The following RBM10 variants were observed in gnomAD, a reference collection of about 807,000 sequenced individuals.
RBM10 encodes the protein RNA-binding protein 10.
RBM10 carries 1 observed loss-of-function variant against 84.9 expected under a neutral mutation model. The observed-to-expected ratio is 0.01, with a 90% CI of 0.00 to 0.06. The LOEUF (loss-of-function observed/expected upper bound fraction) is 0.06. Among genes scored for constraint, RBM10 ranks in the 10% least tolerant of loss-of-function variants. RBM10 has a pLI of 1.00. For synonymous variants in RBM10, 326 were observed against 344.5 expected, an observed-to-expected ratio of 0.95 and a Z score of 0.60; for missense variants, 438 against 839.0, an observed-to-expected ratio of 0.52 and a Z score of 5.90.
At chrX:47,157,782 T>TC in intron 2 of RBM10, 2 of 181,776 alleles carry the variant, frequency 1.1e-5, no homozygotes, top group Admixed American at 7.3e-5. Flanking sequence ...CTGCATGACT[T>TC]TTTTTTTTTT....
chrX:47,149,235 C>T (rs2147071879), intron 2 of RBM10, among the ~76,000 whole-genome samples: 1 of 111,561 alleles, frequency 9.0e-6, no homozygotes, highest in Admixed American at 9.5e-5. Flanking sequence ...GTTGCCCAGG[C>T]TGGTCTCAAA....
intron 9 of RBM10, 49 bp from the exon 10 acceptor site, chrX:47,179,831 C>T (rs181180570): frequency 3.6e-5 from 42 of 1,163,384 alleles, no homozygotes; most frequent in African/African-American, 5.4e-5. Context: ...AAGGGCAGGG[C>T]TGGCAAGAGT....
At chrX:47,152,816 CG>C (rs1410640260) in intron 2 of RBM10, among the ~76,000 whole-genome samples, 6 of 99,942 alleles carry the variant, frequency 6.0e-5, no homozygotes, top group Middle Eastern at 5.3e-3. Context: ...CACACACACA[CG>C]TTTTTTTTAA....
chrX:47,161,533 T>TTAGGG (rs2042743861), intron 2 of RBM10, among the ~76,000 whole-genome samples: 1 of 36,670 alleles, frequency 2.7e-5, no homozygotes, highest in African/African-American at 1.4e-4. Flanking sequence ...TTTTTTTTTT[T>TTAGGG]AGTGAGAGAG....
intron 2 of RBM10, among the ~76,000 whole-genome samples, chrX:47,162,098 C>T (rs782379531): frequency 8.9e-5 from 10 of 112,570 alleles, no homozygotes; most frequent in Non-Finnish European, 1.5e-4. Context: ...GCCTTGGCCT[C>T]CCACAGTGCT....
chrX:47,174,776 C>G (rs1275420388), intron 5 of RBM10, among the ~76,000 whole-genome samples: 2 of 111,153 alleles, frequency 1.8e-5, no homozygotes, highest in Admixed American at 9.5e-5. Flanking sequence ...TGTCTCTCCC[C>G]CTACCGACCT....
chrX:47,181,011 G>A (rs1935487216), intron 12 of RBM10, among the ~76,000 whole-genome samples: 1 of 111,368 alleles, frequency 9.0e-6, no homozygotes, highest in Non-Finnish European at 1.9e-5. Context: ...GCGTTCATCT[G>A]TTTTTCTGTC....
intron 5 of RBM10, among the ~76,000 whole-genome samples, chrX:47,173,528 T>C (rs1420196185): frequency 8.9e-6 from 1 of 112,151 alleles, no homozygotes; most frequent in Admixed American, 9.4e-5. Context: ...ATACACTCCC[T>C]TCCCTCTCCT....
Position 47,173,145 on chromosome X carries a change from G to A in RBM10, c.450G>A (p.Gln150=), listed in dbSNP as rs2147142422. The A allele has an allele frequency of 8.2e-7, 1 of 1,212,323 alleles. No homozygotes were observed. Among genetic ancestry groups the A allele is most frequent in the Non-Finnish European group, 1.1e-6 (1 of 895,644 alleles). The change falls in exon 5 of 24, where the codon CAG becomes CAA. Residue 150 remains glutamine, a synonymous_variant. Coordinates refer to ENST00000377604, the MANE Select transcript of RBM10 (RefSeq NM_005676.5). ...ATEDDIRGQL[Q]SHGVQAREVR... Reference sequence around the variant, plus strand: ...CCGTATAGATCCGTGGCCAGCTGCAGTCGCACGGCGTGCAAGCACGGGAGG... The same window carrying A: ...CCGTATAGATCCGTGGCCAGCTGCAATCGCACGGCGTGCAAGCACGGGAGG...
chrX:47,157,130 C>G (rs1297259847), intron 2 of RBM10: 1 of 254,109 alleles, frequency 3.9e-6, no homozygotes, highest in Non-Finnish European at 7.4e-6. Flanking sequence ...CTTGAACAGA[C>G]CAGACCCCTT....
At chrX:47,184,698 G>C (rs1168332123) in intron 17 of RBM10, among the ~76,000 whole-genome samples, 1 of 111,403 alleles carries the variant, frequency 9.0e-6, no homozygotes, top group Non-Finnish European at 1.9e-5. Flanking sequence ...CAAACCAGTG[G>C]GGGTGGGGGC....
chrX:47,164,306 T>A (rs1481886854), intron 2 of RBM10, among the ~76,000 whole-genome samples: 2 of 111,110 alleles, frequency 1.8e-5, no homozygotes, highest in African/African-American at 3.3e-5. Flanking sequence ...ACAACAAAAT[T>A]ATCCAATTTA....
intron 2 of RBM10, among the ~76,000 whole-genome samples, chrX:47,155,879 A>G (rs1344074974): frequency 1.1e-5 from 1 of 93,989 alleles, no homozygotes; most frequent in Non-Finnish European, 2.1e-5. Flanking sequence ...ACACAATCTC[A>G]GCTCACCGCA....
intron 2 of RBM10, among the ~76,000 whole-genome samples, chrX:47,151,245 G>T (rs1932785651): frequency 9.0e-6 from 1 of 110,682 alleles, no homozygotes; most frequent in South Asian, 3.8e-4. Flanking sequence ...TGTCCAGGCT[G>T]ATCTTGAACT....
chrX:47,171,353 C>A, intron 4 of RBM10, 95 bp downstream of exon 4: 1 of 1,123,422 alleles, frequency 8.9e-7, no homozygotes, highest in Non-Finnish European at 1.2e-6. Context: ...GCAACCTCAG[C>A]GCCTTTCATC....
intron 2 of RBM10, among the ~76,000 whole-genome samples, chrX:47,166,984 C>T (rs1317247188): frequency 9.2e-6 from 1 of 108,942 alleles, no homozygotes; most frequent in South Asian, 3.9e-4. Context: ...ACCATGTTAG[C>T]CAGGATGGTC....
chrX:47,172,589 A>C (rs951407857), intron 4 of RBM10, among the ~76,000 whole-genome samples: 5 of 112,016 alleles, frequency 4.5e-5, no homozygotes, highest in Admixed American at 9.4e-5. Context: ...TCTCCACCCT[A>C]AGTTATTGCT....
intron 7 of RBM10, among the ~76,000 whole-genome samples, chrX:47,177,506 T>TA (rs200402562): frequency 8.9e-4 from 96 of 108,213 alleles, no homozygotes; most frequent in Middle Eastern, 4.9e-3. Flanking sequence ...GCATCTGTTT[T>TA]AAAAAAAAAA....
chrX:47,178,390 C>T (rs1386288372), intron 7 of RBM10, among the ~76,000 whole-genome samples: 2 of 111,335 alleles, frequency 1.8e-5, no homozygotes, highest in Non-Finnish European at 3.8e-5. Flanking sequence ...CTGTCCCTGC[C>T]GAGTAAATGG....
Sources: gnomAD v4.1 joint callset for allele counts (sites outside exome capture counted in the v4.1 genomes callset) on GRCh38, gnomAD v4.1.1 for gene constraint, MANE v1.5 for transcripts, NCBI Gene and HGNC (gene_info 2026-07-23, HGNC 2026-07-21) for gene names.